CEP135: variants seen among roughly 807,000 people sequenced by gnomAD.
CEP135 encodes centrosomal protein 135.
In CEP135, 142 loss-of-function variants were observed where a neutral mutation model predicts 157.3. The observed-to-expected ratio is 0.90, with a 90% confidence interval of 0.79 to 1.04. The LOEUF is 1.04. Among genes scored for constraint, CEP135 ranks in the 50% least tolerant of loss-of-function variants. The probability of loss-of-function intolerance (pLI) is 0.00; values close to 1 mark genes in which losing one functional copy is unlikely to be tolerated. For synonymous variants in CEP135, 396 were observed against 439.8 expected (o/e 0.90, Z 1.25); for missense variants, 1,317 against 1,309.2 (o/e 1.01, Z -0.09).
intron 11 of CEP135, 35 bp downstream of exon 11, chr4:55,975,004 T>C: frequency 7.1e-7 from 1 of 1,412,824 alleles, no homozygotes; most frequent in Non-Finnish European, 9.6e-7. Context: ...CCAGAAAGTA[T>C]CTTTATGAAT....
chr4:55,999,265 A>G, intron 15 of CEP135, 37 bp from the exon 16 acceptor site: 1 of 1,444,610 alleles, frequency 6.9e-7, no homozygotes, highest in Non-Finnish European at 9.6e-7. Flanking sequence ...TATGAGAGAT[A>G]AAGAATACCA....
At chr4:55,950,643 A>T (rs958139459) in intron 1 of CEP135, among the ~76,000 whole-genome samples, 1 of 152,004 alleles carries the variant, frequency 6.6e-6, no homozygotes, top group Admixed American at 6.6e-5. Flanking sequence ...ATTAAAATAA[A>T]AAAAAAAAAG....
At chr4:56,007,241 A>G (rs1297159993) in intron 17 of CEP135, among the ~76,000 whole-genome samples, 2 of 152,102 alleles carry the variant, frequency 1.3e-5, no homozygotes, top group Admixed American at 6.6e-5. Flanking sequence ...AGATTCTTCA[A>G]ACTTTATTGA....
intron 13 of CEP135, among the ~76,000 whole-genome samples, chr4:55,982,453 G>A (rs568694915): frequency 6.6e-6 from 1 of 152,272 alleles, no homozygotes; most frequent in Non-Finnish European, 1.5e-5. Context: ...TCTGCCTTTT[G>A]TATTATAGTC....
intron 18 of CEP135, among the ~76,000 whole-genome samples, chr4:56,009,309 C>T (rs375791432): frequency 6.6e-6 from 1 of 152,048 alleles, no homozygotes; most frequent in African/African-American, 2.4e-5. Context: ...TACACGTGCC[C>T]GCCACCACAC....
intron 5 of CEP135, among the ~76,000 whole-genome samples, chr4:55,959,290 TA>T (rs950509770): frequency 1.3e-5 from 2 of 152,294 alleles, no homozygotes; most frequent in Non-Finnish European, 2.9e-5. Flanking sequence ...TAGTAGACAA[TA>T]CAGGGTTAGG....
At chr4:56,027,935 C>G (rs1478005133) in intron 25 of CEP135, among the ~76,000 whole-genome samples, 1 of 152,162 alleles carries the variant, frequency 6.6e-6, no homozygotes, top group Non-Finnish European at 1.5e-5. Context: ...ATCCCCAGAC[C>G]TTAACCTTCC....
intron 24 of CEP135, 57 bp downstream of exon 24, chr4:56,020,837 C>A: frequency 8.0e-7 from 1 of 1,244,528 alleles, no homozygotes; most frequent in Non-Finnish European, 1.2e-6. Flanking sequence ...TATTGTACTT[C>A]AGAAAGTATT....
intron 24 of CEP135, among the ~76,000 whole-genome samples, chr4:56,023,874 A>G (rs1371874175): frequency 1.4e-5 from 2 of 139,608 alleles, no homozygotes; most frequent in Admixed American, 7.6e-5. Context: ...ATTATATAAT[A>G]TATGATATAT....
chr4:55,959,634 G>A, intron 5 of CEP135, 48 bp from the exon 6 acceptor site: 1 of 1,471,308 alleles, frequency 6.8e-7, no homozygotes, highest in Non-Finnish European at 9.5e-7. Context: ...TTCTTATTTT[G>A]TATTTCTTAA....
intron 2 of CEP135, among the ~76,000 whole-genome samples, chr4:55,952,865 C>T (rs1350155568): frequency 6.6e-6 from 1 of 152,150 alleles, no homozygotes; most frequent in Non-Finnish European, 1.5e-5. Flanking sequence ...TGTTGTGCTA[C>T]AGTGTTACAA....
chr4:56,011,090 G>A (rs568430696), intron 19 of CEP135, among the ~76,000 whole-genome samples: 8 of 151,924 alleles, frequency 5.3e-5, no homozygotes, highest in African/African-American at 1.9e-4. Context: ...AAAAAAATTA[G>A]CTGGTATGGT....
chr4:55,985,431 T>A, intron 14 of CEP135, 73 bp downstream of exon 14: 1 of 571,474 alleles, frequency 1.7e-6, no homozygotes, highest in Non-Finnish European at 2.9e-6. Context: ...TTTAATACAC[T>A]ATTTTTTAAT....
In CEP135 at chr4:56,011,936, G is replaced by A. The variant is rs1439450268; in HGVS notation, c.2753G>A (p.Arg918Lys). 2 of 1,584,276 alleles carry A rather than the reference G, an allele frequency of 1.3e-6. No homozygotes were observed. The highest frequency in any genetic ancestry group is 1.8e-5 in the Admixed American group (1 of 54,646). The change falls in exon 21 of 26, where the codon AGG (arginine) becomes AAG (lysine). Residue 918 changes from arginine to lysine, a missense_variant. Transcript: ENST00000257287. ...RLELLSIDTE[R>K]RHLRERVELL... Reference sequence around the variant, plus strand: ...GAACTTCTTTCTATTGACACTGAGAGGAGACATCTTCGAGAAAGAGTGGAG... The same window carrying A: ...GAACTTCTTTCTATTGACACTGAGAAGAGACATCTTCGAGAAAGAGTGGAG...
At chr4:56,020,360 A>T (rs1364510239) in intron 23 of CEP135, among the ~76,000 whole-genome samples, 1 of 152,200 alleles carries the variant, frequency 6.6e-6, no homozygotes, top group Non-Finnish European at 1.5e-5. Flanking sequence ...GGTATTAAAA[A>T]TATTAATATT....
Position 56,032,011 on chromosome 4 carries a change from G to A in CEP135, c.*663G>A, listed in dbSNP as rs1731368964. 1.3e-5 allele frequency: 2 copies of A among 152,098 alleles called. No individual in the cohort carries two copies. The highest frequency in any genetic ancestry group is 1.3e-4 in the Admixed American group (2 of 15,266). The allele number at this position is 152,098 out of a possible 1,614,324, so 9.4% of individuals were successfully genotyped here. On this transcript the variant is annotated 3_prime_UTR_variant, in exon 26 of 26. Coordinates refer to ENST00000257287, the MANE Select transcript of CEP135 (RefSeq NM_025009.5). ...GTAAAATGTTAACTATCATCATATG[G>A]ACTCTATGTAACACAAATTCAAAAG...
intron 17 of CEP135, among the ~76,000 whole-genome samples, chr4:56,003,658 C>T (rs891558048): frequency 5.3e-5 from 8 of 149,998 alleles, no homozygotes; most frequent in Admixed American, 2.7e-4. Flanking sequence ...TTTGTTTATT[C>T]GAAGTCTTTC....
At chr4:56,020,562 T>G (rs1325011671) in intron 23 of CEP135, 114 bp from the exon 24 acceptor site, 4 of 766,592 alleles carry the variant, frequency 5.2e-6, no homozygotes, top group Non-Finnish European at 8.8e-6. Context: ...TCTAGAAGTT[T>G]AGAGAATTCT....
intron 17 of CEP135, 88 bp downstream of exon 17, chr4:55,999,733 C>G: frequency 7.3e-7 from 1 of 1,371,178 alleles, no homozygotes; most frequent in East Asian, 2.3e-5. Context: ...CACTCTGTCA[C>G]TCAGGCTGGA....
Sources: gnomAD v4.1 joint callset for allele counts (sites outside exome capture counted in the v4.1 genomes callset) on GRCh38, gnomAD v4.1.1 for gene constraint, MANE v1.5 for transcripts, NCBI Gene and HGNC (gene_info 2026-07-23, HGNC 2026-07-21) for gene names.